Variants in ABTB2 observed in about 807,000 individuals in gnomAD.
The protein encoded by ABTB2 is ankyrin repeat and BTB/POZ domain-containing protein 2.
Under a neutral mutation model 104.1 loss-of-function variants are expected in ABTB2, and 56 were observed. The ratio of observed to expected loss-of-function variants is 0.54; its 90% CI spans 0.43 to 0.67. ABTB2 has a LOEUF of 0.67. ABTB2 is among the 30% of genes least tolerant of loss of function. The pLI is 0.00. For synonymous variants in ABTB2, 606 were observed against 608.2 expected, an observed-to-expected ratio of 1.00 and a Z score of 0.05; for missense variants, 1,279 against 1,407.7, an observed-to-expected ratio of 0.91 and a Z score of 1.46.
At position 34,197,366 on chromosome 11, in the gene ABTB2, G is replaced by T; in HGVS notation, c.1203C>A (p.Asn401Lys). Residue 401 changes from asparagine (N) to lysine (K), a missense_variant, in exon 3 of 17, where the codon AAC (asparagine) becomes AAA (lysine). Physicochemically the swap from Asn to Lys is moderately conservative, Grantham distance 94. Transcript: ENST00000435224. ...TCATTCTCGGGGGGTCCAGGTTGGG[G>T]TTCTCCATGGACTCCATCTGTGGAC... ...LRCPQMESME[N>K]PNLDPPRMTL... 1.2e-6 allele frequency: 2 copies of T among 1,613,986 alleles called. No individual in the cohort carries two copies. The highest frequency in any genetic ancestry group is 1.7e-6 in the Non-Finnish European group (2 of 1,179,984).
Position 34,173,189 on chromosome 11 carries a change from G to A in ABTB2, c.1363C>T (p.Leu455=). 6.2e-7 allele frequency: 1 copy of A among 1,613,754 alleles called. No homozygotes were observed. Among genetic ancestry groups the A allele is most frequent in the East Asian group, 2.2e-5 (1 of 44,876 alleles). ...GDIRQAARLL[L]PGLDCEPRQL... ...CGAGGTTCACAGTCCAGACCAGGCA[G>A]CAGCAGCCGGGCTGCCTGCCGGATG... The change falls in exon 4 of 17, where the codon CTG becomes TTG. Residue 455 remains leucine (L), a synonymous_variant. Coordinates refer to ENST00000435224, the MANE Select transcript of ABTB2 (RefSeq NM_145804.3).
rs187603258 is a variant in ABTB2 at position 34,313,886 on chromosome 11, G to A, written c.883+42815C>T. Among the ~76,000 whole-genome samples, 25 of 152,216 alleles carry A rather than the reference G, an allele frequency of 1.6e-4. No homozygotes were observed. In the East Asian group the frequency reaches 3.1e-3, roughly 19 times the overall value. On this transcript the variant is annotated intron_variant, in intron 1 of 16. Coordinates refer to ENST00000435224, the MANE Select transcript of ABTB2 (RefSeq NM_145804.3). ...TCTCTGTGTAAAAGCCCTCCCCACC[G>A]TCCTCAGCAAGGGACTTGCCCCAGC... is the stretch of plus-strand genomic sequence containing the variant.
At chr11:34,345,518 C>T (rs768864086) in intron 1 of ABTB2, among the ~76,000 whole-genome samples, 3 of 152,218 alleles carry the variant, frequency 2.0e-5, no homozygotes, top group Non-Finnish European at 4.4e-5. Flanking sequence ...CTCCCCTACA[C>T]AGTCCTCAGA....
chr11:34,326,580 A>T (rs926336622), intron 1 of ABTB2, among the ~76,000 whole-genome samples: 1 of 151,522 alleles, frequency 6.6e-6, no homozygotes, highest in Admixed American at 6.6e-5. Flanking sequence ...CAGTGAGCCG[A>T]GATCATGCTA....
intron 1 of ABTB2, among the ~76,000 whole-genome samples, chr11:34,284,136 G>C (rs1564923319): frequency 6.6e-6 from 1 of 152,344 alleles, no homozygotes; most frequent in South Asian, 2.1e-4. Context: ...CTGGTGCAGA[G>C]ACCTCACTCT....
intron 1 of ABTB2, among the ~76,000 whole-genome samples, chr11:34,298,465 A>T (rs1175798938): frequency 5.6e-5 from 7 of 125,326 alleles, no homozygotes; most frequent in African/African-American, 3.8e-4. Context: ...AAAAAAATTA[A>T]AAAAAAAATT....
intron 1 of ABTB2, among the ~76,000 whole-genome samples, chr11:34,232,546 A>G (rs1853785061): frequency 6.6e-6 from 1 of 151,978 alleles, no homozygotes; most frequent in Non-Finnish European, 1.5e-5. Flanking sequence ...CCTAATCCCC[A>G]GCAAGGGACC....
intron 3 of ABTB2, among the ~76,000 whole-genome samples, chr11:34,181,126 A>G (rs1853020290): frequency 6.6e-6 from 1 of 151,990 alleles, no homozygotes; most frequent in African/African-American, 2.4e-5. Flanking sequence ...GATTGTCTCA[A>G]TCTCTTGACC....
chr11:34,322,327 G>A (rs35128442), intron 1 of ABTB2, among the ~76,000 whole-genome samples: 10,419 of 152,248 alleles, frequency 0.068, 456 homozygotes, highest in Middle Eastern at 0.13. Context: ...ATTGTTAATC[G>A]CACTTTGGGA....
chr11:34,312,943 C>A (rs1250808122), intron 1 of ABTB2, among the ~76,000 whole-genome samples: 2 of 152,060 alleles, frequency 1.3e-5, no homozygotes, highest in African/African-American at 4.8e-5. Context: ...AGTGGCAGAG[C>A]TGGGGCCTGA....
intron 1 of ABTB2, among the ~76,000 whole-genome samples, chr11:34,348,731 G>A (rs1855363543): frequency 6.6e-6 from 1 of 152,166 alleles, no homozygotes; most frequent in Non-Finnish European, 1.5e-5. Flanking sequence ...GGAGCTGGGA[G>A]GATTAAATGA....
At chr11:34,349,027 C>T (rs912025325) in intron 1 of ABTB2, among the ~76,000 whole-genome samples, 1 of 152,224 alleles carries the variant, frequency 6.6e-6, no homozygotes, top group Non-Finnish European at 1.5e-5. Flanking sequence ...AGTACTTGGG[C>T]TGTGTTCCTT....
chr11:34,268,041 C>T (rs1017226413), intron 1 of ABTB2, among the ~76,000 whole-genome samples: 6 of 152,150 alleles, frequency 3.9e-5, no homozygotes, highest in African/African-American at 7.2e-5. Context: ...AGTGATTCTC[C>T]AGCCTCAGCC....
At position 34,155,124 on chromosome 11, in the gene ABTB2, C is replaced by T. The variant is rs745597147; in HGVS notation, c.2698-355G>A. On this transcript the variant is annotated intron_variant, in intron 14 of 16. Coordinates refer to ENST00000435224, the MANE Select transcript of ABTB2 (RefSeq NM_145804.3). ...GACTTGGCTCAAGTCCTTCAGCTCC[C>T]CTGATGCCTGCAGCAGGGCTCTCGC... 2.7e-4 allele frequency among the ~76,000 whole-genome samples: 41 copies of T among 152,360 alleles called. 1 individual carries two copies. The highest frequency in any genetic ancestry group is 2.8e-4 in the Non-Finnish European group (19 of 68,030).
At chr11:34,305,960 T>A (rs1854765880) in intron 1 of ABTB2, among the ~76,000 whole-genome samples, 1 of 152,222 alleles carries the variant, frequency 6.6e-6, no homozygotes, top group Non-Finnish European at 1.5e-5. Context: ...ATCATTATAT[T>A]CACTCTTAAT....
At chr11:34,354,462 T>TA (rs1554929189) in intron 1 of ABTB2, among the ~76,000 whole-genome samples, 1 of 14,752 alleles carries the variant, frequency 6.8e-5, no homozygotes, top group Non-Finnish European at 1.2e-4. Flanking sequence ...TGTCTCTATT[T>TA]AAAAAAACAA....
Position 34,154,862 on chromosome 11 carries a change from C to A in ABTB2, c.2698-93G>T, listed in dbSNP as rs1852599865. On this transcript the variant is annotated intron_variant, in intron 14 of 16. Transcript: ENST00000435224. This position sits in a 1 kb window ranked among gnomAD's most constrained non-coding sequence, Gnocchi z 4.9. Reference sequence around the variant, plus strand: ...CAGGGTACTGCTCCAGCTGCCGCCTCCAGGGGCCTGTCCCTCTGCAGGTCC... The same window carrying A: ...CAGGGTACTGCTCCAGCTGCCGCCTACAGGGGCCTGTCCCTCTGCAGGTCC... The A allele has an allele frequency of 8.0e-7, 1 of 1,255,252 alleles. No individual in the cohort carries two copies. Among genetic ancestry groups the A allele is most frequent in the Non-Finnish European group, 1.2e-6 (1 of 869,522 alleles). The allele number at this position is 1,255,252 out of a possible 1,614,324, so 77.8% of individuals were successfully genotyped here.
At chr11:34,235,668 G>C (rs1853831910) in intron 1 of ABTB2, among the ~76,000 whole-genome samples, 1 of 152,102 alleles carries the variant, frequency 6.6e-6, no homozygotes, top group Non-Finnish European at 1.5e-5. Context: ...ACCTGATTGG[G>C]GATCTCCTTC....
chr11:34,349,233 G>T (rs1855371018), intron 1 of ABTB2, among the ~76,000 whole-genome samples: 2 of 152,202 alleles, frequency 1.3e-5, no homozygotes, highest in Non-Finnish European at 2.9e-5. Flanking sequence ...ATCCACAGGA[G>T]AATTGCTCTC....
Sources: allele counts gnomAD v4.1 joint callset (sites outside exome capture counted in the v4.1 genomes callset), GRCh38; gene constraint gnomAD v4.1.1; non-coding constraint Gnocchi (gnomAD v3.1); transcripts MANE v1.5; gene names NCBI Gene and HGNC (gene_info 2026-07-23, HGNC 2026-07-21).